Variants in FBXW7 observed in about 807,000 individuals in gnomAD.
FBXW7 encodes F-box/WD repeat-containing protein 7.
Under a neutral mutation model 86.3 loss-of-function variants are expected in FBXW7, and 11 were observed. The observed-to-expected ratio is 0.13, with a 90% CI of 0.08 to 0.21. FBXW7 has a LOEUF of 0.21. Among genes scored for constraint, FBXW7 ranks in the 10% least tolerant of loss-of-function variants. FBXW7 has a pLI of 1.00. For synonymous variants in FBXW7, 313 were observed against 297.9 expected, an observed-to-expected ratio of 1.05 and a Z score of -0.52; for missense variants, 488 against 847.4, an observed-to-expected ratio of 0.58 and a Z score of 5.27.
chr4:152,355,306 GTATT>G (rs1560797576), intron 4 of FBXW7, among the ~76,000 whole-genome samples: 3 of 151,836 alleles, frequency 2.0e-5, no homozygotes, highest in African/African-American at 7.3e-5. Context: ...GTTTGTGTCT[GTATT>G]TATCTATCTT....
chr4:152,342,000 TC>T (rs1560780092), intron 6 of FBXW7, among the ~76,000 whole-genome samples: 1 of 152,126 alleles, frequency 6.6e-6, no homozygotes, highest in Non-Finnish European at 1.5e-5. Context: ...GTTGGATAAT[TC>T]TTTTAATTAT....
At chr4:152,373,150 A>T (rs1461200452) in intron 4 of FBXW7, among the ~76,000 whole-genome samples, 1 of 152,024 alleles carries the variant, frequency 6.6e-6, no homozygotes, top group Non-Finnish European at 1.5e-5. Flanking sequence ...AGACTGCTTG[A>T]GTTAGTGTCC....
At chr4:152,515,580 G>C (rs1748406743) in intron 2 of FBXW7, among the ~76,000 whole-genome samples, 2 of 152,120 alleles carry the variant, frequency 1.3e-5, no homozygotes, top group South Asian at 4.1e-4. Context: ...TGTACATTTA[G>C]TAGTACAATA....
At chr4:152,340,724 T>C (rs1314886716) in intron 6 of FBXW7, among the ~76,000 whole-genome samples, 3 of 151,988 alleles carry the variant, frequency 2.0e-5, no homozygotes, top group Admixed American at 6.6e-5. Flanking sequence ...ATCTGGACCA[T>C]AAAAACAGCT....
chr4:152,497,343 CCACACACA>C (rs753468896), intron 2 of FBXW7, among the ~76,000 whole-genome samples: 10 of 86,944 alleles, frequency 1.2e-4, no homozygotes, highest in South Asian at 7.8e-4. Context: ...AAAAAAAAAA[CCACACACA>C]CACACACACA....
At chr4:152,390,854 G>T (rs1735938174) in intron 4 of FBXW7, among the ~76,000 whole-genome samples, 1 of 151,722 alleles carries the variant, frequency 6.6e-6, no homozygotes, top group African/African-American at 2.4e-5. Flanking sequence ...GTAATTGTGT[G>T]TTTTTTTGCT....
chr4:152,444,604 G>T (rs1741204487), intron 2 of FBXW7, among the ~76,000 whole-genome samples: 1 of 152,100 alleles, frequency 6.6e-6, no homozygotes, highest in Non-Finnish European at 1.5e-5. Flanking sequence ...TCTATGGTTT[G>T]TAAACAAATT....
intron 2 of FBXW7, among the ~76,000 whole-genome samples, chr4:152,481,838 A>G (rs1451096889): frequency 6.6e-6 from 1 of 152,238 alleles, no homozygotes; most frequent in Non-Finnish European, 1.5e-5. Context: ...GTTGCTTCTT[A>G]TAAAAAAGAG....
chr4:152,326,276 A>C, intron 11 of FBXW7, 45 bp from the exon 12 acceptor site: 2 of 1,458,416 alleles, frequency 1.4e-6, no homozygotes, highest in Non-Finnish European at 1.9e-6. Context: ...AAAAAAACCC[A>C]CGTTTAGAAT....
chr4:152,470,630 G>A (rs373487762), intron 2 of FBXW7, among the ~76,000 whole-genome samples: 3 of 151,990 alleles, frequency 2.0e-5, no homozygotes, highest in Admixed American at 6.5e-5. Flanking sequence ...AAAAGCTAGC[G>A]GTTAATAATT....
intron 4 of FBXW7, 177 bp downstream of exon 4, chr4:152,411,126 A>G (rs1158656317): frequency 9.7e-7 from 1 of 1,030,040 alleles, no homozygotes; most frequent in African/African-American, 1.6e-5. Flanking sequence ...TCCCATTATC[A>G]GTATTTCTAC....
At chr4:152,413,684 A>G (rs1203112410) in intron 2 of FBXW7, among the ~76,000 whole-genome samples, 2 of 152,130 alleles carry the variant, frequency 1.3e-5, no homozygotes, top group East Asian at 1.9e-4. Context: ...TATTACTCTA[A>G]AACAAATTAT....
rs529957226 is a variant in FBXW7 at position 152,323,283 on chromosome 4, C to T, written c.1856-134G>A. 1.2e-4 allele frequency: 123 copies of T among 1,063,020 alleles called. 1 individual carries two copies. Among genetic ancestry groups the T allele is most frequent in the Non-Finnish European group, 1.3e-4 (100 of 757,900 alleles). The allele number at this position is 1,063,020 out of a possible 1,614,324, so 65.8% of individuals were successfully genotyped here. A position where few individuals can be genotyped will look rare whatever the true frequency, so the allele number is the denominator to read the frequency against. On this transcript the variant is annotated intron_variant, in intron 13 of 13. Transcript: ENST00000281708. ...TTGAAATGATACATATTTAGAAACC[C>T]ATGTCCTCAGTATTTTAGGATCAGC...
chr4:152,339,840 G>A (rs1730536445), intron 6 of FBXW7, among the ~76,000 whole-genome samples: 1 of 150,936 alleles, frequency 6.6e-6, no homozygotes, highest in African/African-American at 2.4e-5. Context: ...TACTCAGGGG[G>A]CTGTGGCAGG....
At chr4:152,406,066 T>C (rs951483984) in intron 4 of FBXW7, among the ~76,000 whole-genome samples, 2 of 152,234 alleles carry the variant, frequency 1.3e-5, no homozygotes, top group Admixed American at 1.3e-4. Flanking sequence ...CTTCATACTG[T>C]CTTCCCTACC....
chr4:152,392,884 A>G (rs1053758155), intron 4 of FBXW7, among the ~76,000 whole-genome samples: 1 of 152,264 alleles, frequency 6.6e-6, no homozygotes, highest in Middle Eastern at 3.4e-3. Context: ...GCAAGTTTCT[A>G]TTTTCATAAT....
chr4:152,382,520 G>A, intron 4 of FBXW7: 1 of 1,176,010 alleles, frequency 8.5e-7, no homozygotes, highest in Non-Finnish European at 1.0e-6. Flanking sequence ...TCTGAGGCTT[G>A]GTGAAGTGCA....
chr4:152,422,155 C>G (rs945606130), intron 2 of FBXW7, among the ~76,000 whole-genome samples: 1 of 152,008 alleles, frequency 6.6e-6, no homozygotes, highest in Admixed American at 6.6e-5. Flanking sequence ...TAACCTGATG[C>G]TTTATAATCT....
intron 2 of FBXW7, among the ~76,000 whole-genome samples, chr4:152,450,822 C>A (rs1349838643): frequency 6.6e-6 from 1 of 152,188 alleles, no homozygotes; most frequent in Non-Finnish European, 1.5e-5. Context: ...GCTATTCAGT[C>A]TGCATCACTA....
Sources: allele counts gnomAD v4.1 joint callset (sites outside exome capture counted in the v4.1 genomes callset), GRCh38; gene constraint gnomAD v4.1.1; transcripts MANE v1.5; gene names NCBI Gene and HGNC (gene_info 2026-07-23, HGNC 2026-07-21).